Variants in ASPRV1 observed in about 807,000 individuals in gnomAD.
ASPRV1 encodes the protein aspartic peptidase retroviral like 1.
ASPRV1 carries 7 observed loss-of-function variants against 11.0 expected under a neutral mutation model. That is an observed-to-expected ratio of 0.64 (90% confidence interval 0.36 to 1.20). The LOEUF is 1.20. Ranked by LOEUF, ASPRV1 falls within the 50% of genes most tolerant of loss-of-function variation. ASPRV1 has a pLI of 0.02. For missense variants in ASPRV1, 299 were observed against 320.0 expected, an observed-to-expected ratio of 0.93 and a Z score of 0.50; for synonymous variants, 136 against 138.4, an observed-to-expected ratio of 0.98 and a Z score of 0.12.
the ASPRV1 span, among the ~76,000 whole-genome samples, chr2:70,052,724 C>A: frequency 3.0e-3 from 450 of 152,326 alleles, 4 homozygotes; most frequent in South Asian, 0.041. Context: ...GAAACCTCCA[C>A]AGAATCTGGA....
At chr2:70,004,842 C>G in the ASPRV1 span, among the ~76,000 whole-genome samples, 4 of 152,126 alleles carry the variant, frequency 2.6e-5, no homozygotes, top group African/African-American at 9.7e-5. Flanking sequence ...ATTGATGTCA[C>G]TGGTCCCCGT....
At chr2:70,061,376 T>TA in the ASPRV1 span, among the ~76,000 whole-genome samples, 3 of 137,344 alleles carry the variant, frequency 2.2e-5, no homozygotes, top group Admixed American at 2.4e-4. Flanking sequence ...GCCTGGGTGA[T>TA]AGAGTGAGAC....
chr2:70,079,967 ACTGT>A, the ASPRV1 span, among the ~76,000 whole-genome samples: 2 of 152,228 alleles, frequency 1.3e-5, no homozygotes, highest in Non-Finnish European at 2.9e-5. Flanking sequence ...GGTTGAAGTA[ACTGT>A]CTCTCTGAAA....
the ASPRV1 span, chr2:69,988,858 G>A: frequency 4.4e-6 from 2 of 456,082 alleles, no homozygotes; most frequent in South Asian, 3.1e-5. Flanking sequence ...GATGGGAGGG[G>A]TCAGGAAGCA....
At chr2:69,959,260 T>C (rs551122062), downstream of ASPRV1, among the ~76,000 whole-genome samples, 12 of 152,170 alleles carry the variant, frequency 7.9e-5, no homozygotes, top group Admixed American at 3.9e-4. Context: ...TCTCTGACCT[T>C]GCGCCAATCT....
the ASPRV1 span, among the ~76,000 whole-genome samples, chr2:70,035,344 A>T: frequency 3.9e-5 from 6 of 152,170 alleles, no homozygotes; most frequent in Admixed American, 6.5e-5. Context: ...CACAGAGCAG[A>T]AAAGTCCTAT....
chr2:70,080,689 T>C, the ASPRV1 span, among the ~76,000 whole-genome samples: 1 of 152,238 alleles, frequency 6.6e-6, no homozygotes, highest in African/African-American at 2.4e-5. Context: ...CCTTTAACTT[T>C]CTGTGCTCTA....
At position 69,960,785 on chromosome 2, in the gene ASPRV1, T is replaced by C. The variant is rs1678064664; in HGVS notation, c.652A>G (p.Thr218Ala). ...AACTTCTTCCCTTTCAGGGTGCATG[T>C]GCGGTGCTCAAAGTCCAGGATAGCA... The part of the protein sequence containing the change: ...HNAILDFEHR[T>A]CTLKGKKFRL... Residue 218 changes from threonine (T) to alanine (A), a missense_variant, in exon 1 of 1, where the codon ACA becomes GCA. Thr to Ala is a moderately conservative substitution (Grantham distance 58). Coordinates refer to ENST00000320256, the MANE Select transcript of ASPRV1 (RefSeq NM_152792.4). 1 of 1,614,016 alleles carries C rather than the reference T, an allele frequency of 6.2e-7. No homozygotes were observed. The highest frequency in any genetic ancestry group is 1.7e-5 in the Admixed American group (1 of 59,998).
At chr2:69,963,284 T>A, upstream of ASPRV1, 1 of 451,254 alleles carries the variant, frequency 2.2e-6, no homozygotes, top group Non-Finnish European at 4.4e-6. Context: ...ACCGAGAAGG[T>A]GTTGAGAGCA....
the ASPRV1 span, among the ~76,000 whole-genome samples, chr2:70,007,155 G>C: frequency 6.6e-6 from 1 of 152,312 alleles, no homozygotes; most frequent in African/African-American, 2.4e-5. Context: ...GCCAATCATT[G>C]GTTAAATACA....
the ASPRV1 span, among the ~76,000 whole-genome samples, chr2:69,968,954 A>G: frequency 2.0e-5 from 3 of 151,812 alleles, no homozygotes; most frequent in Non-Finnish European, 2.9e-5. Flanking sequence ...CCAAATTCTC[A>G]CTCTCCGTGG....
chr2:70,014,796 CAAAAAAAAAAAA>C, the ASPRV1 span, among the ~76,000 whole-genome samples: 2 of 74,024 alleles, frequency 2.7e-5, no homozygotes, highest in East Asian at 3.8e-4. Context: ...GACCTTGTCT[CAAAAAAAAAAAA>C]AAAAAAAAAA....
chr2:70,018,741 A>G, the ASPRV1 span, among the ~76,000 whole-genome samples: 1,748 of 152,360 alleles, frequency 0.011, 36 homozygotes, highest in African/African-American at 0.04. Flanking sequence ...ATGAAATTAG[A>G]TGTTCATTTC....
At chr2:70,087,225 C>T in the ASPRV1 span, 1 of 152,230 alleles carries the variant, frequency 6.6e-6, no homozygotes, top group African/African-American at 2.4e-5. Context: ...AGTCACCCGC[C>T]AGTGCCGTTA....
At chr2:70,022,895 T>C in the ASPRV1 span, among the ~76,000 whole-genome samples, 1 of 151,918 alleles carries the variant, frequency 6.6e-6, no homozygotes, top group Admixed American at 6.6e-5. Flanking sequence ...AAAAAGGGTA[T>C]AAAAGGGTCC....
chr2:70,042,125 AC>A, the ASPRV1 span, among the ~76,000 whole-genome samples: 5 of 152,176 alleles, frequency 3.3e-5, no homozygotes, highest in Non-Finnish European at 5.9e-5. Flanking sequence ...CTAGTTAAAT[AC>A]GTTTGAAAAA....
the ASPRV1 span, among the ~76,000 whole-genome samples, chr2:69,971,675 G>A: frequency 6.6e-6 from 1 of 152,228 alleles, no homozygotes; most frequent in East Asian, 1.9e-4. Flanking sequence ...TGTTTGGGGA[G>A]GCCGGAGATG....
chr2:69,992,054 GT>G, the ASPRV1 span, among the ~76,000 whole-genome samples: 1 of 152,170 alleles, frequency 6.6e-6, no homozygotes, highest in Non-Finnish European at 1.5e-5. Context: ...AATGTGACAA[GT>G]GGGTCGTTTT....
downstream of ASPRV1, among the ~76,000 whole-genome samples, chr2:69,958,542 T>C (rs922511731): frequency 3.3e-5 from 5 of 152,044 alleles, no homozygotes; most frequent in Non-Finnish European, 5.9e-5. Context: ...TGGCCACCAA[T>C]TCCTTAGTCC....
Sources: allele counts gnomAD v4.1 joint callset (sites outside exome capture counted in the v4.1 genomes callset), GRCh38; gene constraint gnomAD v4.1.1; transcripts MANE v1.5; gene names NCBI Gene and HGNC (gene_info 2026-07-23, HGNC 2026-07-21).